Variants in MCTP2 observed in about 807,000 individuals in gnomAD.
MCTP2 encodes multiple C2 and transmembrane domain containing 2.
Under a neutral mutation model 111.6 loss-of-function variants are expected in MCTP2, and 132 were observed. That is an observed-to-expected ratio of 1.18 (90% confidence interval 1.03 to 1.37). The LOEUF is 1.37. Ranked by LOEUF, MCTP2 falls within the 40% of genes most tolerant of loss-of-function variation. MCTP2 has a pLI of 0.00. For missense variants in MCTP2, 1,183 were observed against 1,067.9 expected (o/e 1.11, Z -1.50); for synonymous variants, 395 against 387.7 (o/e 1.02, Z -0.22).
At chr15:94,353,190 CTG>C (rs1158385449) in intron 8 of MCTP2, among the ~76,000 whole-genome samples, 1 of 152,120 alleles carries the variant, frequency 6.6e-6, no homozygotes, top group Non-Finnish European at 1.5e-5. Context: ...CAAAGTCCGA[CTG>C]AGATAGATAA....
chr15:94,231,730 G>T (rs987592540), intron 1 of MCTP2, 66 bp downstream of exon 1: 1 of 152,868 alleles, frequency 6.5e-6, no homozygotes, highest in East Asian at 1.9e-4. Context: ...CCGCCTGGGG[G>T]TGGGCGTCTT....
chr15:94,306,486 A>G (rs1005535357), intron 2 of MCTP2, among the ~76,000 whole-genome samples: 17 of 152,222 alleles, frequency 1.1e-4, no homozygotes, highest in Admixed American at 7.2e-4. Flanking sequence ...AACTGTGGGT[A>G]TAACATGAGT....
At chr15:94,260,876 G>A (rs949726726) in intron 1 of MCTP2, among the ~76,000 whole-genome samples, 3 of 152,000 alleles carry the variant, frequency 2.0e-5, no homozygotes, top group Non-Finnish European at 4.4e-5. Flanking sequence ...CTCCCTTTTG[G>A]AATTACTGAA....
At chr15:94,240,741 T>C (rs1466653745) in intron 1 of MCTP2, among the ~76,000 whole-genome samples, 1 of 152,164 alleles carries the variant, frequency 6.6e-6, no homozygotes, top group African/African-American at 2.4e-5. Flanking sequence ...CTTTATCTGA[T>C]CCAAGTGATG....
chr15:94,466,158 A>T (rs1269129399), intron 20 of MCTP2, among the ~76,000 whole-genome samples: 1 of 152,000 alleles, frequency 6.6e-6, no homozygotes, highest in African/African-American at 2.4e-5. Flanking sequence ...CATCTCTTAC[A>T]TGATTTTTAA....
intron 20 of MCTP2, among the ~76,000 whole-genome samples, chr15:94,464,257 T>TATTATATATATATATATATATTATATA (rs4001978): frequency 2.2e-5 from 1 of 44,968 alleles, no homozygotes; most frequent in African/African-American, 6.0e-5. Flanking sequence ...TATATATATA[T>TATTATATATATATATATATATTATATA]TATATATATA....
At chr15:94,245,107 T>C (rs1053498595) in intron 1 of MCTP2, among the ~76,000 whole-genome samples, 4 of 149,578 alleles carry the variant, frequency 2.7e-5, no homozygotes, top group Non-Finnish European at 6.0e-5. Context: ...TACCTATGTT[T>C]ATATATGTAT....
Position 94,281,451 on chromosome 15 carries a change from G to A in MCTP2, c.-65-16750G>A, listed in dbSNP as rs148274944. Among the ~76,000 whole-genome samples, 298 of 152,244 alleles carry A rather than the reference G, an allele frequency of 2.0e-3. 1 individual carries two copies. Among genetic ancestry groups the A allele is most frequent in the Middle Eastern group, 0.017 (5 of 294 alleles). On this transcript the variant is annotated intron_variant, in intron 1 of 22. Coordinates refer to ENST00000357742, the MANE Select transcript of MCTP2 (RefSeq NM_001385001.1). ...CCTTTACTTTGAAGCTATAGATGTT[G>A]TGGCAGTTGAGATGGGTCTCTTGAA...
chr15:94,284,306 C>T (rs2074646779), intron 1 of MCTP2, among the ~76,000 whole-genome samples: 1 of 152,196 alleles, frequency 6.6e-6, no homozygotes, highest in African/African-American at 2.4e-5. Flanking sequence ...TCACTTCTAA[C>T]TGGAAGTTTA....
intron 1 of MCTP2, among the ~76,000 whole-genome samples, chr15:94,293,702 T>G (rs1173430226): frequency 6.6e-6 from 1 of 152,204 alleles, no homozygotes; most frequent in African/African-American, 2.4e-5. Flanking sequence ...AAATTAAAAG[T>G]CCTGATGGTA....
In MCTP2 at chr15:94,314,336, G is replaced by A. The variant is rs1243322672; in HGVS notation, c.520G>A (p.Glu174Lys). 10 of 1,602,282 alleles carry A rather than the reference G, an allele frequency of 6.2e-6. No individual in the cohort carries two copies. Among genetic ancestry groups the A allele is most frequent in the Non-Finnish European group, 8.5e-6 (10 of 1,172,838 alleles). ...NASMTSQHFE[E>K]QSVPGEASDG... ...TTCTATGACATCTCAACATTTTGAAGAACAATCTGTGAGTGGCATTCCTTA... is the reference window on the plus strand; with the variant it reads ...TTCTATGACATCTCAACATTTTGAAAAACAATCTGTGAGTGGCATTCCTTA... The change falls in exon 3 of 23, where the codon GAA becomes AAA. Residue 174 changes from glutamate (E) to lysine (K), a missense_variant. Glu to Lys is a moderately conservative substitution (Grantham distance 56). Transcript: ENST00000357742.
At chr15:94,357,619 G>A (rs1270666483) in intron 9 of MCTP2, among the ~76,000 whole-genome samples, 2 of 150,708 alleles carry the variant, frequency 1.3e-5, no homozygotes, top group African/African-American at 4.9e-5. Flanking sequence ...TAAGCCTGAT[G>A]TGAAAAACAG....
intron 4 of MCTP2, among the ~76,000 whole-genome samples, chr15:94,335,666 C>G (rs1287233570): frequency 2.0e-5 from 3 of 152,080 alleles, no homozygotes; most frequent in Admixed American, 6.6e-5. Flanking sequence ...ATTGTTTGTA[C>G]TAGTTAATAA....
intron 5 of MCTP2, among the ~76,000 whole-genome samples, chr15:94,339,752 T>A (rs1474619450): frequency 6.6e-6 from 1 of 152,222 alleles, no homozygotes; most frequent in Non-Finnish European, 1.5e-5. Context: ...TAATAGAGCT[T>A]CAAGCTACCC....
intron 19 of MCTP2, among the ~76,000 whole-genome samples, chr15:94,449,459 T>C (rs189427691): frequency 6.0e-4 from 91 of 152,330 alleles, no homozygotes; most frequent in African/African-American, 2.0e-3. Flanking sequence ...CCATGCTCCG[T>C]TATTGTGAAG....
chr15:94,357,994 G>A (rs2078723125), intron 9 of MCTP2, among the ~76,000 whole-genome samples: 1 of 152,138 alleles, frequency 6.6e-6, no homozygotes. Context: ...TTAAAAATAG[G>A]TAGCAATATA....
rs1387096858 is a variant in MCTP2, at chr15:94,443,036, C to G, written c.2250+76C>G. The G allele has an allele frequency of 3.5e-5, 35 of 1,005,884 alleles. No individual in the cohort carries two copies. In the Admixed American group the frequency reaches 5.4e-4, roughly 16 times the overall value. The allele number at this position is 1,005,884 out of a possible 1,614,324, so 62.3% of individuals were successfully genotyped here. On this transcript the variant is annotated intron_variant, in intron 19 of 22. Transcript: ENST00000357742. ...CAGATAGCATTCCTTCAGGTTGAGTCTCTCTCCTCTCTTTTTTTTTTTTTT... is the reference window on the plus strand; with the variant it reads ...CAGATAGCATTCCTTCAGGTTGAGTGTCTCTCCTCTCTTTTTTTTTTTTTT...
chr15:94,258,896 G>A (rs1425158098), intron 1 of MCTP2, among the ~76,000 whole-genome samples: 1 of 152,168 alleles, frequency 6.6e-6, no homozygotes, highest in Non-Finnish European at 1.5e-5. Context: ...GCCCTATCAA[G>A]CAGGTACTTT....
chr15:94,406,195 A>G (rs2081887601), intron 17 of MCTP2, among the ~76,000 whole-genome samples: 1 of 152,212 alleles, frequency 6.6e-6, no homozygotes, highest in African/African-American at 2.4e-5. Flanking sequence ...GATTTTATAA[A>G]TTTAGTTCTC....
Sources: gnomAD v4.1 joint callset for allele counts (sites outside exome capture counted in the v4.1 genomes callset) on GRCh38, gnomAD v4.1.1 for gene constraint, MANE v1.5 for transcripts, NCBI Gene and HGNC (gene_info 2026-07-23, HGNC 2026-07-21) for gene names.